PPFIA2: variants seen among roughly 807,000 people sequenced by gnomAD.
PPFIA2 encodes the protein PPFI scaffold protein A2.
PPFIA2 carries 46 observed loss-of-function variants against 175.5 expected under a neutral mutation model. That is an observed-to-expected ratio of 0.26 (90% CI 0.21 to 0.34). The LOEUF (loss-of-function observed/expected upper bound fraction) is 0.34. PPFIA2 is among the 10% of genes least tolerant of loss of function. The probability of loss-of-function intolerance (pLI) is 1.00; values close to 1 mark genes in which losing one functional copy is unlikely to be tolerated. For missense variants in PPFIA2, 1,179 were observed against 1,506.1 expected (o/e 0.78, Z 3.60); for synonymous variants, 568 against 511.4 (o/e 1.11, Z -1.49).
intron 4 of PPFIA2, among the ~76,000 whole-genome samples, chr12:81,481,350 C>G (rs1353527345): frequency 6.6e-6 from 1 of 152,162 alleles, no homozygotes; most frequent in African/African-American, 2.4e-5. Flanking sequence ...CTATTCCCAT[C>G]AAACTACCAT....
intron 7 of PPFIA2, among the ~76,000 whole-genome samples, chr12:81,434,721 T>A (rs1288702151): frequency 6.6e-6 from 1 of 152,072 alleles, no homozygotes; most frequent in Non-Finnish European, 1.5e-5. Context: ...TAGCAATAAA[T>A]ATTAACTATG....
intron 4 of PPFIA2, among the ~76,000 whole-genome samples, chr12:81,605,678 T>TCTAC (rs2060228067): frequency 6.6e-6 from 1 of 150,788 alleles, no homozygotes; most frequent in Non-Finnish European, 1.5e-5. Flanking sequence ...TATCTATCTA[T>TCTAC]CTATCTATCT....
chr12:81,435,076 G>A (rs2048744859), intron 7 of PPFIA2, among the ~76,000 whole-genome samples: 1 of 152,076 alleles, frequency 6.6e-6, no homozygotes, highest in Non-Finnish European at 1.5e-5. Flanking sequence ...TAGTAGTTTT[G>A]TATTCTTTTT....
At chr12:81,342,309 G>T (rs2058251153) in intron 19 of PPFIA2, among the ~76,000 whole-genome samples, 1 of 152,118 alleles carries the variant, frequency 6.6e-6, no homozygotes, top group Admixed American at 6.6e-5. Context: ...GATCAGGATT[G>T]TAGAAAACAC....
chr12:81,740,508 C>T (rs2082193984), intron 3 of PPFIA2, among the ~76,000 whole-genome samples: 3 of 152,128 alleles, frequency 2.0e-5, no homozygotes, highest in Admixed American at 2.0e-4. Flanking sequence ...TGTCCACAAC[C>T]ACAGTTCTAA....
rs1447278142 is a variant in PPFIA2 at position 81,415,382 on chromosome 12, T to A, written c.646-9479A>T. On this transcript the variant is annotated intron_variant, in intron 7 of 32. Coordinates refer to ENST00000549396, the MANE Select transcript of PPFIA2 (RefSeq NM_003625.5). ...CACCCCAAATTTGGCTGACTAGTACTCCCAATTCCTATACAGATAAATTAC... is the reference window on the plus strand; with the variant it reads ...CACCCCAAATTTGGCTGACTAGTACACCCAATTCCTATACAGATAAATTAC... Among the ~76,000 whole-genome samples, 3 of 147,938 alleles carry A rather than the reference T, an allele frequency of 2.0e-5. No homozygotes were observed. The Admixed American group carries it at 2.1e-4, about 10-fold the overall frequency.
chr12:81,675,229 T>C (rs558545683), intron 4 of PPFIA2, among the ~76,000 whole-genome samples: 6 of 148,384 alleles, frequency 4.0e-5, no homozygotes, highest in Non-Finnish European at 9.0e-5. Context: ...CACATATATA[T>C]ATAGAGAGAG....
intron 21 of PPFIA2, among the ~76,000 whole-genome samples, chr12:81,332,059 C>T (rs955189871): frequency 3.3e-5 from 5 of 152,060 alleles, no homozygotes; most frequent in African/African-American, 1.2e-4. Context: ...CTTCTCCATA[C>T]ACTATCATCA....
chr12:81,628,790 C>A (rs2063026233), intron 4 of PPFIA2, among the ~76,000 whole-genome samples: 1 of 152,156 alleles, frequency 6.6e-6, no homozygotes. Flanking sequence ...TTCTAGAATG[C>A]AAGTCAAAAT....
At chr12:81,617,995 T>C (rs755087677) in intron 4 of PPFIA2, among the ~76,000 whole-genome samples, 1 of 152,104 alleles carries the variant, frequency 6.6e-6, no homozygotes, top group Non-Finnish European at 1.5e-5. Flanking sequence ...GATTCGTGAG[T>C]TGTGATTTTA....
At chr12:81,626,179 A>G (rs1241290619) in intron 4 of PPFIA2, among the ~76,000 whole-genome samples, 1 of 151,860 alleles carries the variant, frequency 6.6e-6, no homozygotes, top group African/African-American at 2.4e-5. Context: ...AATTAAAGGA[A>G]CATCAAACTA....
chr12:81,275,102 G>A (rs1357084225), intron 28 of PPFIA2, among the ~76,000 whole-genome samples: 6 of 152,174 alleles, frequency 3.9e-5, no homozygotes, highest in African/African-American at 1.4e-4. Flanking sequence ...CTACCTGTGT[G>A]CTAAGACATT....
intron 4 of PPFIA2, among the ~76,000 whole-genome samples, chr12:81,541,524 G>C (rs1015691263): frequency 6.6e-6 from 1 of 152,000 alleles, no homozygotes; most frequent in Admixed American, 6.6e-5. Context: ...TGATTTCCCA[G>C]GTGATTTTAC....
At chr12:81,556,953 A>G (rs1202380752) in intron 4 of PPFIA2, among the ~76,000 whole-genome samples, 2 of 152,020 alleles carry the variant, frequency 1.3e-5, no homozygotes, top group African/African-American at 4.8e-5. Flanking sequence ...ATTAGTTTCA[A>G]TAAAAGTCAA....
intron 8 of PPFIA2, among the ~76,000 whole-genome samples, chr12:81,398,309 T>C (rs544504915): frequency 2.0e-5 from 3 of 152,246 alleles, no homozygotes; most frequent in African/African-American, 7.2e-5. Flanking sequence ...AAAGTTTTCT[T>C]TGACTAGGCT....
chr12:81,649,416 G>T (rs1044939800), intron 4 of PPFIA2, among the ~76,000 whole-genome samples: 1 of 152,114 alleles, frequency 6.6e-6, no homozygotes, highest in African/African-American at 2.4e-5. Flanking sequence ...ACAATACCAA[G>T]TGCTGCTGAG....
At chr12:81,468,702 A>T (rs998622657) in intron 4 of PPFIA2, among the ~76,000 whole-genome samples, 3 of 152,198 alleles carry the variant, frequency 2.0e-5, no homozygotes, top group Non-Finnish European at 4.4e-5. Context: ...TTGGGCTACA[A>T]CATTGTTTGC....
chr12:81,546,876 G>A (rs922791186), intron 4 of PPFIA2, among the ~76,000 whole-genome samples: 2 of 151,914 alleles, frequency 1.3e-5, no homozygotes, highest in Middle Eastern at 3.2e-3. Context: ...GCAGCAGTTG[G>A]GCCCAGAAAG....
At chr12:81,602,327 A>G (rs1451357262) in intron 4 of PPFIA2, among the ~76,000 whole-genome samples, 1 of 151,872 alleles carries the variant, frequency 6.6e-6, no homozygotes, top group East Asian at 1.9e-4. Flanking sequence ...TTTTTAAACT[A>G]GCTTATGTTT....
Sources: allele counts gnomAD v4.1 joint callset (sites outside exome capture counted in the v4.1 genomes callset), GRCh38; gene constraint gnomAD v4.1.1; transcripts MANE v1.5; gene names NCBI Gene and HGNC (gene_info 2026-07-23, HGNC 2026-07-21).